The following ALG14 variants were observed in gnomAD, a reference collection of about 807,000 sequenced individuals.
ALG14 encodes the protein ALG14 UDP-N-acetylglucosaminyltransferase subunit.
Under a neutral mutation model 22.8 loss-of-function variants are expected in ALG14, and 17 were observed. The observed-to-expected ratio is 0.75, with a 90% CI of 0.51 to 1.12. The LOEUF (loss-of-function observed/expected upper bound fraction) is 1.12, where lower values mean the gene tolerates loss of function less well. ALG14 is among the 50% of genes most tolerant of loss of function. The probability of loss-of-function intolerance (pLI) is 0.00; values close to 1 mark genes in which losing one functional copy is unlikely to be tolerated. For missense variants in ALG14, 288 were observed against 271.8 expected (o/e 1.06, Z -0.42); for synonymous variants, 89 against 103.7 (o/e 0.86, Z 0.86).
intron 2 of ALG14, among the ~76,000 whole-genome samples, chr1:95,059,412 A>C (rs1207590384): frequency 3.5e-5 from 5 of 142,620 alleles, no homozygotes; most frequent in Non-Finnish European, 8.0e-5. Flanking sequence ...AAAAAAAAAA[A>C]AAAAAAAACA....
At chr1:95,066,239 C>G (rs1017504529) in intron 1 of ALG14, among the ~76,000 whole-genome samples, 1 of 152,226 alleles carries the variant, frequency 6.6e-6, no homozygotes, top group African/African-American at 2.4e-5. Context: ...CTCACCTCCC[C>G]CCAGGTGGAG....
rs1672826311 is a variant in ALG14 at position 94,993,388 on chromosome 1, A to G, written c.421-10082T>C. Among the ~76,000 whole-genome samples the G allele has an allele frequency of 1.4e-5, 2 of 146,596 alleles. 1 individual carries two copies. Among genetic ancestry groups the G allele is most frequent in the South Asian group, 4.2e-4 (2 of 4,760 alleles). ...TTAAGTATTTATATTTAAATATTTA[A>G]AAATATTAAATATAATTATATATTT... On this transcript the variant is annotated intron_variant, in intron 3 of 3. Transcript: ENST00000370205.
intron 3 of ALG14, among the ~76,000 whole-genome samples, chr1:95,024,425 A>AT (rs34981364): frequency 2.6e-5 from 4 of 152,186 alleles, no homozygotes; most frequent in African/African-American, 9.7e-5. Context: ...CATTAAAGAT[A>AT]TTTTTTAAAA....
chr1:94,982,593 C>T lies in ALG14; in HGVS notation c.*483G>A, dbSNP rs1672521266. ...CTGCTTCCTTTATGCTGAAAGGATT[C>T]ACTGGGGACATCACTGTTTCCATAC... On this transcript the variant is annotated 3_prime_UTR_variant, in exon 4 of 4. Coordinates refer to ENST00000370205, the MANE Select transcript of ALG14 (RefSeq NM_144988.4). 6.6e-6 allele frequency: 1 copy of T among 151,474 alleles called. No homozygotes were observed. The highest frequency in any genetic ancestry group is 2.1e-4 in the South Asian group (1 of 4,862). The allele number at this position is 151,474 out of a possible 1,614,324, so 9.4% of individuals were successfully genotyped here. A position where few individuals can be genotyped will look rare whatever the true frequency, so the allele number is the denominator to read the frequency against.
intron 2 of ALG14, among the ~76,000 whole-genome samples, chr1:95,055,526 T>C (rs781350924): frequency 6.6e-6 from 1 of 151,980 alleles, no homozygotes; most frequent in Non-Finnish European, 1.5e-5. Flanking sequence ...TAAGGAGATC[T>C]AAACAATGAA....
In ALG14 at chr1:95,009,905, TCTA is replaced by T. The variant is rs555943900; in HGVS notation, c.420+17221_420+17223del. 3.2e-3 allele frequency among the ~76,000 whole-genome samples: 484 copies of T among 152,294 alleles called. 1 individual carries two copies. The highest frequency in any genetic ancestry group is 0.011 in the African/African-American group (467 of 41,572). On this transcript the variant is annotated intron_variant, in intron 3 of 3. Coordinates refer to ENST00000370205, the MANE Select transcript of ALG14 (RefSeq NM_144988.4). Reference sequence around the variant, plus strand: ...CTGAGTAAAAAGCACATAAGAATTCTCTACTATTTTTGCAACTTTTGTGTAAGT... The same window carrying T: ...CTGAGTAAAAAGCACATAAGAATTCTCTATTTTTGCAACTTTTGTGTAAGT...
intron 2 of ALG14, among the ~76,000 whole-genome samples, chr1:95,044,872 A>T (rs1265248484): frequency 6.6e-6 from 1 of 150,450 alleles, no homozygotes; most frequent in Non-Finnish European, 1.5e-5. Flanking sequence ...TAAACAAAGT[A>T]TTTTTTTTTT....
intron 3 of ALG14, among the ~76,000 whole-genome samples, chr1:95,003,400 T>C (rs1289356065): frequency 1.3e-5 from 2 of 151,618 alleles, no homozygotes; most frequent in African/African-American, 2.4e-5. Context: ...TTGTGGACTT[T>C]AAAAGTTCAA....
intron 3 of ALG14, among the ~76,000 whole-genome samples, chr1:94,999,344 T>A (rs12129274): frequency 0.012 from 982 of 79,012 alleles, 1 homozygote; most frequent in African/African-American, 0.026. Flanking sequence ...AGTAGACCCA[T>A]TTTTTTTTTT....
At chr1:95,036,576 G>A (rs934600441) in intron 2 of ALG14, among the ~76,000 whole-genome samples, 12 of 151,820 alleles carry the variant, frequency 7.9e-5, no homozygotes, top group Non-Finnish European at 1.3e-4. Context: ...ACAGGTATGC[G>A]CCACCATACC....
At chr1:95,057,428 T>C (rs568633716) in intron 2 of ALG14, among the ~76,000 whole-genome samples, 1 of 151,904 alleles carries the variant, frequency 6.6e-6, no homozygotes, top group African/African-American at 2.4e-5. Flanking sequence ...TTACATAGTA[T>C]TTACACTGTA....
intron 2 of ALG14, among the ~76,000 whole-genome samples, chr1:95,033,470 CATATATATATACACAAATAT>C (rs1294051130): frequency 6.7e-6 from 1 of 149,574 alleles, no homozygotes; most frequent in African/African-American, 2.5e-5. Context: ...CACACACACA[CATATATATATACACAAATAT>C]ATATATATAT....
At chr1:95,029,351 C>A (rs1673926229) in intron 2 of ALG14, among the ~76,000 whole-genome samples, 1 of 152,136 alleles carries the variant, frequency 6.6e-6, no homozygotes. Flanking sequence ...AGAGGCAAGG[C>A]AGAAATTGTC....
chr1:94,998,665 G>A (rs924839626), intron 3 of ALG14, among the ~76,000 whole-genome samples: 1 of 152,208 alleles, frequency 6.6e-6, no homozygotes, highest in South Asian at 2.1e-4. Flanking sequence ...GGCTGTCTGG[G>A]TTTGAATCCT....
chr1:94,998,726 C>T (rs897792509), intron 3 of ALG14, among the ~76,000 whole-genome samples: 2 of 152,108 alleles, frequency 1.3e-5, no homozygotes, highest in Non-Finnish European at 2.9e-5. Flanking sequence ...CTTTCTAATG[C>T]CTCAGTTTTC....
At position 95,072,746 on chromosome 1, in the gene ALG14, G is replaced by C; in HGVS notation, c.136+17C>G. ...AGTGACCAACCCAAGTCCGACAGTC[G>C]CCTCCTCGATACTTACCGGACCCAG... On this transcript the variant is annotated intron_variant, in intron 1 of 3. Transcript: ENST00000370205. The C allele has an allele frequency of 6.2e-7, 1 of 1,613,156 alleles. No homozygotes were observed. The highest frequency in any genetic ancestry group is 8.5e-7 in the Non-Finnish European group (1 of 1,179,670).
At chr1:95,027,495 A>G (rs1184909560) in intron 2 of ALG14, among the ~76,000 whole-genome samples, 3 of 152,260 alleles carry the variant, frequency 2.0e-5, no homozygotes, top group African/African-American at 7.2e-5. Flanking sequence ...AGTTTGAACA[A>G]TAAGTTGGGG....
chr1:95,034,317 T>C (rs545122443), intron 2 of ALG14, among the ~76,000 whole-genome samples: 7 of 152,352 alleles, frequency 4.6e-5, no homozygotes, highest in Non-Finnish European at 4.4e-5. Flanking sequence ...TGTGATTGTA[T>C]GTAGTCTGCC....
At chr1:95,057,698 A>G (rs1230060043) in intron 2 of ALG14, among the ~76,000 whole-genome samples, 1 of 151,484 alleles carries the variant, frequency 6.6e-6, no homozygotes, top group Non-Finnish European at 1.5e-5. Flanking sequence ...GGATTAGTTT[A>G]CAGAATAGAC....
Sources: allele counts gnomAD v4.1 joint callset (sites outside exome capture counted in the v4.1 genomes callset), GRCh38; gene constraint gnomAD v4.1.1; transcripts MANE v1.5; gene names NCBI Gene and HGNC (gene_info 2026-07-23, HGNC 2026-07-21).